The following ADAM32 variants were observed in gnomAD, a reference collection of about 807,000 sequenced individuals.
The protein encoded by ADAM32 is disintegrin and metalloproteinase domain-containing protein 32.
ADAM32 carries 89 observed loss-of-function variants against 114.9 expected under a neutral mutation model. The ratio of observed to expected loss-of-function variants is 0.77; its 90% confidence interval spans 0.65 to 0.92. The LOEUF (loss-of-function observed/expected upper bound fraction) is 0.92. Ranked by LOEUF, ADAM32 falls within the 40% of genes least tolerant of loss-of-function variation. The probability of loss-of-function intolerance (pLI) is 0.00; values close to 1 mark genes in which losing one functional copy is unlikely to be tolerated. For missense variants in ADAM32, 870 were observed against 932.8 expected (o/e 0.93, Z 0.88); for synonymous variants, 285 against 307.5 (o/e 0.93, Z 0.77).
At chr8:39,211,446 T>C in intron 12 of ADAM32, 122 bp downstream of exon 12, 1 of 995,068 alleles carries the variant, frequency 1.0e-6, no homozygotes, top group South Asian at 3.1e-5. Flanking sequence ...TAAGTGAAGT[T>C]GGGTCGAAAT....
chr8:39,240,611 G>A (rs904893215), intron 16 of ADAM32, among the ~76,000 whole-genome samples: 1 of 152,200 alleles, frequency 6.6e-6, no homozygotes, highest in Non-Finnish European at 1.5e-5. Context: ...TGGTTGGGGA[G>A]GCCTCACAAT....
chr8:39,177,546 GTCA>G (rs1564538683), intron 10 of ADAM32, among the ~76,000 whole-genome samples: 5 of 152,150 alleles, frequency 3.3e-5, no homozygotes, highest in Admixed American at 1.3e-4. Flanking sequence ...ATTTGATCCT[GTCA>G]TCATGATTCT....
At chr8:39,118,892 G>T (rs1296692630) in intron 2 of ADAM32, among the ~76,000 whole-genome samples, 1 of 152,146 alleles carries the variant, frequency 6.6e-6, no homozygotes, top group East Asian at 1.9e-4. Flanking sequence ...ATCCTAAAAA[G>T]ATCCCTTATG....
At chr8:39,235,797 A>G (rs1231374486) in intron 16 of ADAM32, among the ~76,000 whole-genome samples, 2 of 152,200 alleles carry the variant, frequency 1.3e-5, no homozygotes, top group African/African-American at 4.8e-5. Context: ...TGTTAGACAC[A>G]TCATCATGGT....
chr8:39,182,823 C>T (rs542063575), intron 10 of ADAM32, among the ~76,000 whole-genome samples: 6 of 152,310 alleles, frequency 3.9e-5, no homozygotes, highest in Admixed American at 2.0e-4. Context: ...GAGATGTTCA[C>T]GTCTTCTAGC....
chr8:39,157,860 T>C (rs570051565), intron 6 of ADAM32: 37 of 567,944 alleles, frequency 6.5e-5, no homozygotes, highest in South Asian at 6.2e-4. Context: ...CTTGATGAAG[T>C]AGCCCTGACT....
chr8:39,282,970 C>T (rs1414261321), intron 23 of ADAM32, among the ~76,000 whole-genome samples: 1 of 152,084 alleles, frequency 6.6e-6, no homozygotes, highest in Non-Finnish European at 1.5e-5. Flanking sequence ...TAAAATTGTG[C>T]ATTATCACTG....
chr8:39,190,180 A>G (rs1345002563), intron 11 of ADAM32, among the ~76,000 whole-genome samples: 1 of 152,208 alleles, frequency 6.6e-6, no homozygotes, highest in African/African-American at 2.4e-5. Flanking sequence ...TTCACTTAAC[A>G]TAATGACCTT....
chr8:39,236,707 A>G (rs897988448), intron 16 of ADAM32, among the ~76,000 whole-genome samples: 5 of 152,348 alleles, frequency 3.3e-5, no homozygotes, highest in Middle Eastern at 3.4e-3. Flanking sequence ...GGTTACCTGG[A>G]AAATCCCCAT....
In ADAM32 at chr8:39,113,863, T is replaced by A. The variant is rs558719682; in HGVS notation, c.59-4223T>A. On this transcript the variant is annotated intron_variant, in intron 1 of 24. Transcript: ENST00000379907. ...GGGAAGGTGGTGAAAATAGTATTAT[T>A]GTTCTTGTCAGATGAAGGCATTTGT... Among the ~76,000 whole-genome samples, 59 of 152,298 alleles carry A rather than the reference T, an allele frequency of 3.9e-4. No individual in the cohort carries two copies. In the East Asian group the frequency reaches 0.01, roughly 27 times the overall value.
intron 3 of ADAM32, 52 bp from the exon 4 acceptor site, chr8:39,147,078 T>G (rs1326539315): frequency 1.4e-6 from 1 of 733,646 alleles, no homozygotes; most frequent in Non-Finnish European, 1.9e-6. Flanking sequence ...ACTATGTTTT[T>G]ATATGTTTCA....
At chr8:39,194,085 C>T (rs779494843) in intron 11 of ADAM32, among the ~76,000 whole-genome samples, 29 of 152,170 alleles carry the variant, frequency 1.9e-4, no homozygotes, top group Non-Finnish European at 3.1e-4. Flanking sequence ...TTTGTAGCAG[C>T]GATGGTGACA....
At chr8:39,138,051 T>A (rs1802911544) in intron 3 of ADAM32, among the ~76,000 whole-genome samples, 2 of 152,208 alleles carry the variant, frequency 1.3e-5, no homozygotes, top group African/African-American at 4.8e-5. Flanking sequence ...AACTGCTTAA[T>A]GATTATGATA....
chr8:39,193,152 G>A (rs995421179), intron 11 of ADAM32, among the ~76,000 whole-genome samples: 1 of 152,114 alleles, frequency 6.6e-6, no homozygotes, highest in Non-Finnish European at 1.5e-5. Flanking sequence ...TGTAGACTTA[G>A]TTTCTTCACA....
chr8:39,185,669 T>A (rs1806190187), intron 10 of ADAM32, among the ~76,000 whole-genome samples: 1 of 152,146 alleles, frequency 6.6e-6, no homozygotes, highest in South Asian at 2.1e-4. Context: ...AAATACAAAA[T>A]CCCAGGTGAG....
At chr8:39,182,466 T>C (rs1422309938) in intron 10 of ADAM32, among the ~76,000 whole-genome samples, 2 of 152,246 alleles carry the variant, frequency 1.3e-5, no homozygotes, top group African/African-American at 4.8e-5. Flanking sequence ...GTATACATTA[T>C]AAAATGGTTA....
intron 11 of ADAM32, among the ~76,000 whole-genome samples, chr8:39,198,014 A>G (rs1807126158): frequency 6.6e-6 from 1 of 152,040 alleles, no homozygotes; most frequent in African/African-American, 2.4e-5. Flanking sequence ...TTTGGTGCAT[A>G]TATATTTATA....
intron 3 of ADAM32, among the ~76,000 whole-genome samples, chr8:39,142,480 A>G (rs1803223131): frequency 6.6e-6 from 1 of 152,304 alleles, no homozygotes; most frequent in Admixed American, 6.5e-5. Context: ...TTGGCTGGAT[A>G]TGAGATTCTG....
Position 39,186,319 on chromosome 8 carries a change from A to T in ADAM32, c.916-590A>T, listed in dbSNP as rs565424932. On this transcript the variant is annotated intron_variant, in intron 10 of 24. Coordinates refer to ENST00000379907, the MANE Select transcript of ADAM32 (RefSeq NM_145004.7). ...ATCATGATGTCATTGCATACCATGAATTACCAATGCCCCATTTCTTTTTCG... is the reference window on the plus strand; with the variant it reads ...ATCATGATGTCATTGCATACCATGATTTACCAATGCCCCATTTCTTTTTCG... Among the ~76,000 whole-genome samples the T allele has an allele frequency of 1.1e-3, 168 of 152,352 alleles. 1 individual carries two copies. The highest frequency in any genetic ancestry group is 3.9e-3 in the African/African-American group (162 of 41,584).
Sources: gnomAD v4.1 joint callset for allele counts (sites outside exome capture counted in the v4.1 genomes callset) on GRCh38, gnomAD v4.1.1 for gene constraint, MANE v1.5 for transcripts, NCBI Gene and HGNC (gene_info 2026-07-23, HGNC 2026-07-21) for gene names.